GALNT18: variants seen among roughly 807,000 people sequenced by gnomAD.
GALNT18 encodes polypeptide N-acetylgalactosaminyltransferase 18.
In GALNT18, 44 loss-of-function variants were observed where a neutral mutation model predicts 69.5. The observed-to-expected ratio is 0.63, with a 90% confidence interval of 0.50 to 0.81. The LOEUF is 0.81. GALNT18 is among the 40% of genes least tolerant of loss of function. The pLI, the probability that GALNT18 is intolerant of heterozygous loss-of-function variation, is 0.00. For missense variants in GALNT18, 715 were observed against 810.0 expected, an observed-to-expected ratio of 0.88 and a Z score of 1.42; for synonymous variants, 364 against 318.2, an observed-to-expected ratio of 1.14 and a Z score of -1.53.
In GALNT18 at chr11:11,481,787, A is replaced by G. The variant is rs532835928; in HGVS notation, c.236-32851T>C. ...GACAGCACCTGCTGCACCTCTGAGG[A>G]TGTCATCACCCCTCCTACCCTAACA... On this transcript the variant is annotated intron_variant, in intron 1 of 10. Transcript: ENST00000227756. Among the ~76,000 whole-genome samples, 223 of 152,220 alleles carry G rather than the reference A, an allele frequency of 1.5e-3. 4 individuals are homozygous for G. Among genetic ancestry groups the G allele is most frequent in the African/African-American group, 5.2e-3 (216 of 41,536 alleles).
In GALNT18 at chr11:11,284,198, C is replaced by T. The variant is rs183415739; in HGVS notation, c.1677+8831G>A. Reference sequence around the variant, plus strand: ...CACAGTCCATGAGTCTCTTGGGCACCGAGGAGCAGATCCCAGGTTATTACA... The same window carrying T: ...CACAGTCCATGAGTCTCTTGGGCACTGAGGAGCAGATCCCAGGTTATTACA... On this transcript the variant is annotated intron_variant, in intron 10 of 10. Coordinates refer to ENST00000227756, the MANE Select transcript of GALNT18 (RefSeq NM_198516.3). 2.7e-3 allele frequency among the ~76,000 whole-genome samples: 412 copies of T among 152,264 alleles called. 3 individuals are homozygous for T. Among genetic ancestry groups the T allele is most frequent in the African/African-American group, 9.2e-3 (381 of 41,536 alleles).
chr11:11,451,870 T>C (rs1855807632), intron 1 of GALNT18, among the ~76,000 whole-genome samples: 1 of 152,198 alleles, frequency 6.6e-6, no homozygotes. Flanking sequence ...AAGGCCTGGC[T>C]CCTCCAAACT....
chr11:11,462,539 C>T (rs1014700521), intron 1 of GALNT18, among the ~76,000 whole-genome samples: 7 of 152,086 alleles, frequency 4.6e-5, no homozygotes, highest in Admixed American at 3.3e-4. Context: ...GTGATCCACC[C>T]GCCTCAGCCT....
At chr11:11,509,565 G>T (rs577338442) in intron 1 of GALNT18, among the ~76,000 whole-genome samples, 3 of 152,308 alleles carry the variant, frequency 2.0e-5, no homozygotes, top group Non-Finnish European at 4.4e-5. Flanking sequence ...TCAATAAGTA[G>T]TTACTGAACA....
intron 3 of GALNT18, among the ~76,000 whole-genome samples, chr11:11,428,109 G>A (rs1456384080): frequency 5.3e-5 from 8 of 152,350 alleles, no homozygotes; most frequent in East Asian, 3.9e-4. Context: ...TAGTTGAACC[G>A]AGCTGAGTTG....
rs1850937115 is a variant in GALNT18, at chr11:11,372,635, G to A, written c.978-6C>T. 1.2e-6 allele frequency: 2 copies of A among 1,612,522 alleles called. No individual in the cohort carries two copies. The highest frequency in any genetic ancestry group is 1.3e-5 in the African/African-American group (1 of 74,932). Reference sequence around the variant, plus strand: ...AGCCAATGAGGGCAGGGCTCCTGCAGGGGCAGGGGAGAGCAGAAGGGCTGT... The same window carrying A: ...AGCCAATGAGGGCAGGGCTCCTGCAAGGGCAGGGGAGAGCAGAAGGGCTGT... On this transcript the variant is annotated splice_region_variant and splice_polypyrimidine_tract_variant and intron_variant, in intron 5 of 10. Transcript: ENST00000227756. The surrounding 1 kb of genome is among the most constrained non-coding windows in gnomAD (Gnocchi z 4.9).
rs547287127 is a variant in GALNT18 at position 11,314,460 on chromosome 11, C to T, written c.1512+12626G>A. ...CTTGGTGCACAGAAGGTTAACACTG[C>T]AGCACTAACATCTGTGTGCCTATAA... On this transcript the variant is annotated intron_variant, in intron 9 of 10. Transcript: ENST00000227756. This position sits in a 1 kb window ranked among gnomAD's most constrained non-coding sequence, Gnocchi z 5.2. Among the ~76,000 whole-genome samples, 1 of 152,178 alleles carries T rather than the reference C, an allele frequency of 6.6e-6. No homozygotes were observed. Among genetic ancestry groups the T allele is most frequent in the South Asian group, 2.1e-4 (1 of 4,824 alleles).
At chr11:11,487,925 T>A (rs1856677777) in intron 1 of GALNT18, among the ~76,000 whole-genome samples, 1 of 152,170 alleles carries the variant, frequency 6.6e-6, no homozygotes, top group Admixed American at 6.5e-5. Context: ...GCACAGTGAA[T>A]AAGGTGATGA....
At chr11:11,492,211 TCGTACTG>T (rs1422692610) in intron 1 of GALNT18, among the ~76,000 whole-genome samples, 1 of 152,224 alleles carries the variant, frequency 6.6e-6, no homozygotes, top group Non-Finnish European at 1.5e-5. Context: ...CAACAGTTAC[TCGTACTG>T]CTGTGCTGCC....
chr11:11,335,600 G>A (rs1850097636), intron 7 of GALNT18, among the ~76,000 whole-genome samples: 1 of 152,158 alleles, frequency 6.6e-6, no homozygotes, highest in Non-Finnish European at 1.5e-5. Context: ...TTTGGAACCA[G>A]GGTCTTTGCA....
Position 11,605,637 on chromosome 11 carries a change from T to G in GALNT18, c.235+15722A>C, listed in dbSNP as rs1364141086. ...TATGCTTTCTCCTTTCTAGTGACTC[T>G]TCAGGTGTCAATTAAAATGACTTCA... On this transcript the variant is annotated intron_variant, in intron 1 of 10. Transcript: ENST00000227756. This position sits in a 1 kb window ranked among gnomAD's most constrained non-coding sequence, Gnocchi z 4.7. Among the ~76,000 whole-genome samples the G allele has an allele frequency of 6.6e-6, 1 of 152,240 alleles. No individual in the cohort carries two copies. The highest frequency in any genetic ancestry group is 1.5e-5 in the Non-Finnish European group (1 of 68,044).
rs534153971 is a variant in GALNT18, at chr11:11,435,653, T to A, written c.429-2866A>T. ...AGTCTGGCACTTAGTAGGCACTCCA[T>A]GAATGTTTTTGGAATGAAACGAACC... is the stretch of plus-strand genomic sequence containing the variant. On this transcript the variant is annotated intron_variant, in intron 2 of 10. Transcript: ENST00000227756. This position sits in a 1 kb window ranked among gnomAD's most constrained non-coding sequence, Gnocchi z 4.4. Among the ~76,000 whole-genome samples the A allele has an allele frequency of 2.0e-5, 3 of 152,282 alleles. No individual in the cohort carries two copies. In the South Asian group the frequency reaches 6.2e-4, roughly 32 times the overall value.
intron 1 of GALNT18, among the ~76,000 whole-genome samples, chr11:11,455,344 T>C (rs962004484): frequency 1.3e-5 from 2 of 152,066 alleles, no homozygotes; most frequent in African/African-American, 4.8e-5. Context: ...TAAGATGCCA[T>C]TGGGTCCCTG....
In GALNT18 at chr11:11,432,496, A is replaced by G. The variant is rs1034295969; in HGVS notation, c.595+125T>C. 1.2e-4 allele frequency: 118 copies of G among 967,450 alleles called. No individual in the cohort carries two copies. Among genetic ancestry groups the G allele is most frequent in the Non-Finnish European group, 1.7e-4 (115 of 663,246 alleles). 59.9% of individuals were successfully genotyped at this position (967,450 alleles called of 1,614,324 possible). Reference sequence around the variant, plus strand: ...AAGCAGTGGCCACCATGAATTTCTCATCTATGCTCCAGAGAAAGAGCAGCC... The same window carrying G: ...AAGCAGTGGCCACCATGAATTTCTCGTCTATGCTCCAGAGAAAGAGCAGCC... On this transcript the variant is annotated intron_variant, in intron 3 of 10. Coordinates refer to ENST00000227756, the MANE Select transcript of GALNT18 (RefSeq NM_198516.3). The surrounding 1 kb of genome is among the most constrained non-coding windows in gnomAD (Gnocchi z 5.8).
At chr11:11,593,065 C>T (rs1022323797) in intron 1 of GALNT18, among the ~76,000 whole-genome samples, 1 of 152,132 alleles carries the variant, frequency 6.6e-6, no homozygotes, top group Non-Finnish European at 1.5e-5. Flanking sequence ...ACAGGCACCC[C>T]CCAACGCTCG....
intron 9 of GALNT18, among the ~76,000 whole-genome samples, chr11:11,306,226 T>TGG (rs1849575980): frequency 7.1e-6 from 1 of 141,568 alleles, no homozygotes; most frequent in East Asian, 2.0e-4. Context: ...TGTGTGCATG[T>TGG]GTGTGTGTAT....
chr11:11,585,292 A>C (rs1300192797), intron 1 of GALNT18, among the ~76,000 whole-genome samples: 1 of 152,066 alleles, frequency 6.6e-6, no homozygotes, highest in Non-Finnish European at 1.5e-5. Context: ...AATATCCATA[A>C]TTATCTGAAA....
chr11:11,362,183 T>A (rs1020914085), intron 6 of GALNT18, among the ~76,000 whole-genome samples: 1 of 152,174 alleles, frequency 6.6e-6, no homozygotes, highest in Non-Finnish European at 1.5e-5. Flanking sequence ...CAATTCTGAA[T>A]GAATCGGAGA....
chr11:11,336,923 C>T (rs538593006), intron 7 of GALNT18, among the ~76,000 whole-genome samples: 2 of 152,164 alleles, frequency 1.3e-5, no homozygotes, highest in South Asian at 2.1e-4. Flanking sequence ...AGAAGAGGGG[C>T]CTCATTCTTC....
Sources: allele counts gnomAD v4.1 joint callset (sites outside exome capture counted in the v4.1 genomes callset), GRCh38; gene constraint gnomAD v4.1.1; non-coding constraint Gnocchi (gnomAD v3.1); transcripts MANE v1.5; gene names NCBI Gene and HGNC (gene_info 2026-07-23, HGNC 2026-07-21).